The following CRYZ variants were observed in gnomAD, a reference collection of about 807,000 sequenced individuals.
The protein encoded by CRYZ is zeta-crystallin.
A neutral mutation model predicts 34.1 loss-of-function variants in CRYZ; 35 were observed. The observed-to-expected ratio is 1.03, with a 90% CI of 0.78 to 1.36. The LOEUF (loss-of-function observed/expected upper bound fraction) is 1.36. CRYZ is among the 40% of genes most tolerant of loss of function. The pLI is 0.00. For synonymous variants in CRYZ, 137 were observed against 136.5 expected, an observed-to-expected ratio of 1.00 and a Z score of -0.03; for missense variants, 403 against 391.8, an observed-to-expected ratio of 1.03 and a Z score of -0.24.
chr1:74,706,751 C>A, intron 8 of CRYZ, 148 bp downstream of exon 8: 3 of 690,700 alleles, frequency 4.3e-6, no homozygotes, highest in Admixed American at 2.7e-5. Context: ...TATACTGTCA[C>A]CCTAGTTGTC....
At chr1:74,714,737 C>T (rs1468311968) in intron 4 of CRYZ, 107 bp from the exon 5 acceptor site, 1 of 1,055,124 alleles carries the variant, frequency 9.5e-7, no homozygotes. Context: ...CTAACACTTA[C>T]ACAAACAGCA....
chr1:74,724,308 C>T (rs376452243), intron 2 of CRYZ, among the ~76,000 whole-genome samples: 15 of 152,172 alleles, frequency 9.9e-5, no homozygotes, highest in South Asian at 6.2e-4. Flanking sequence ...GATGATTAAA[C>T]TATATACTTA....
At chr1:74,709,050 T>G (rs1251312284) in intron 6 of CRYZ, among the ~76,000 whole-genome samples, 3 of 152,064 alleles carry the variant, frequency 2.0e-5, no homozygotes, top group Non-Finnish European at 4.4e-5. Flanking sequence ...GTATAAATAC[T>G]TGGGCTATAA....
intron 5 of CRYZ, 99 bp downstream of exon 5, chr1:74,714,480 T>C: frequency 8.6e-7 from 1 of 1,163,610 alleles, no homozygotes; most frequent in Non-Finnish European, 1.2e-6. Context: ...CACCTTTGAC[T>C]CTATTTATAA....
At chr1:74,711,035 G>T (rs986832972) in intron 5 of CRYZ, among the ~76,000 whole-genome samples, 2 of 152,174 alleles carry the variant, frequency 1.3e-5, no homozygotes, top group African/African-American at 2.4e-5. Flanking sequence ...GGTCAGCCAC[G>T]TGGAGGATGC....
Position 74,706,431 on chromosome 1 carries a change from G to T in CRYZ, c.855C>A (p.Ala285=). 6.2e-7 allele frequency: 1 copy of T among 1,609,078 alleles called. No individual in the cohort carries two copies. Among genetic ancestry groups the T allele is most frequent in the Non-Finnish European group, 8.5e-7 (1 of 1,178,450 alleles). The change falls in exon 9 of 9, where the codon GCC becomes GCA. Residue 285 remains alanine, a synonymous_variant. Coordinates refer to ENST00000340866, the MANE Select transcript of CRYZ (RefSeq NM_001889.4). ...TKEEFQQYAA[A]LQAGMEIGWL... is the part of the protein sequence containing the mutation. ...AGCCAATTTCCATTCCAGCTTGAAG[G>T]GCTGCTGCATATTGCTGAAATTCCT... is the stretch of plus-strand genomic sequence containing the variant.
Position 74,724,740 on chromosome 1 carries a change from T to C in CRYZ, c.82A>G (p.Ile28Val), listed in dbSNP as rs751096080. ...GPEVLKLRSDIAVPIPKDHQV... is the reference protein window; with the variant it reads ...GPEVLKLRSDVAVPIPKDHQV... ...TGGTCTTTTGGAATCGGTACTGCAA[T>C]ATCTGATCGCAATTTCAGGACTTCT... Residue 28 changes from isoleucine (I) to valine (V), a missense_variant, in exon 2 of 9, where the codon ATT (isoleucine) becomes GTT (valine). Transcript: ENST00000340866. 6.2e-6 allele frequency: 10 copies of C among 1,612,936 alleles called. No individual in the cohort carries two copies. The South Asian group carries it at 9.9e-5, about 16-fold the overall frequency.
rs755839422 is a variant in CRYZ, at chr1:74,723,211, A to T, written c.171T>A (p.Gly57=). 1.2e-6 allele frequency: 2 copies of T among 1,614,048 alleles called. No individual in the cohort carries two copies. ...GTAAGAGTGGTTTTCTACTATAAGT[A>T]CCAGAGCGAATGTATGTCTCCACGG... ...VNPVETYIRS[G]TYSRKPLLPY... is the part of the protein sequence containing the mutation. The change falls in exon 3 of 9, where the codon GGT becomes GGA. Residue 57 remains glycine, a synonymous_variant. Coordinates refer to ENST00000340866, the MANE Select transcript of CRYZ (RefSeq NM_001889.4).
chr1:74,725,819 G>T (rs1397840425), intron 1 of CRYZ, among the ~76,000 whole-genome samples: 1 of 152,128 alleles, frequency 6.6e-6, no homozygotes, highest in Non-Finnish European at 1.5e-5. Flanking sequence ...ACAGGAAATG[G>T]GTAAATACAG....
intron 1 of CRYZ, among the ~76,000 whole-genome samples, chr1:74,727,981 A>T (rs1647475262): frequency 6.6e-6 from 1 of 152,236 alleles, no homozygotes; most frequent in Non-Finnish European, 1.5e-5. Flanking sequence ...CTACATGAGT[A>T]TGTAATATTA....
Position 74,723,172 on chromosome 1 carries a change from G to A in CRYZ, c.210C>T (p.Gly70=), listed in dbSNP as rs776971114. The A allele has an allele frequency of 1.2e-6, 2 of 1,614,044 alleles. No homozygotes were observed. Among genetic ancestry groups the A allele is most frequent in the East Asian group, 4.5e-5 (2 of 44,886 alleles). ...SRKPLLPYTP[G]SDVAGVIEAV... Reference sequence around the variant, plus strand: ...CTTCTATCACCCCAGCCACATCTGAGCCAGGAGTATAGGGTAAGAGTGGTT... The same window carrying A: ...CTTCTATCACCCCAGCCACATCTGAACCAGGAGTATAGGGTAAGAGTGGTT... Residue 70 remains glycine, a synonymous_variant, in exon 3 of 9, where the codon GGC becomes GGT. Transcript: ENST00000340866.
Position 74,732,985 on chromosome 1 carries a change from G to T in CRYZ, c.-43C>A. ...ATCTAGAGTGGGAATTAAAATCTGCGTGGGCTTCTTCAGATTCCACAGAAA... is the reference window on the plus strand; with the variant it reads ...ATCTAGAGTGGGAATTAAAATCTGCTTGGGCTTCTTCAGATTCCACAGAAA... On this transcript the variant is annotated 5_prime_UTR_variant, in exon 1 of 9. Coordinates refer to ENST00000340866, the MANE Select transcript of CRYZ (RefSeq NM_001889.4). 4.1e-6 allele frequency: 2 copies of T among 482,878 alleles called. No individual in the cohort carries two copies. The highest frequency in any genetic ancestry group is 6.4e-5 in the South Asian group (2 of 31,136). 29.9% of individuals were successfully genotyped at this position (482,878 alleles called of 1,614,324 possible). A position where few individuals can be genotyped will look rare whatever the true frequency, so the allele number is the denominator to read the frequency against.
intron 8 of CRYZ, 98 bp downstream of exon 8, chr1:74,706,801 T>C (rs1646934848): frequency 2.1e-6 from 2 of 972,212 alleles, no homozygotes; most frequent in Non-Finnish European, 3.3e-6. Flanking sequence ...ACTAGTCATA[T>C]AACTAAGTTT....
intron 1 of CRYZ, among the ~76,000 whole-genome samples, chr1:74,725,789 T>A (rs1647305515): frequency 6.6e-6 from 1 of 152,182 alleles, no homozygotes; most frequent in Non-Finnish European, 1.5e-5. Context: ...AGTTAGTTAC[T>A]TCCTAGATAC....
chr1:74,712,161 A>G (rs142220685), intron 5 of CRYZ, among the ~76,000 whole-genome samples: 110 of 152,364 alleles, frequency 7.2e-4, no homozygotes, highest in Non-Finnish European at 1.3e-3. Context: ...TTAAATAACA[A>G]TACTAGGAAA....
chr1:74,727,004 C>T (rs537619941), intron 1 of CRYZ, among the ~76,000 whole-genome samples: 1 of 152,126 alleles, frequency 6.6e-6, no homozygotes, highest in South Asian at 2.1e-4. Context: ...CTGAGACCAC[C>T]TCAGCCTGGA....
At chr1:74,727,468 A>G (rs918425202) in intron 1 of CRYZ, among the ~76,000 whole-genome samples, 1 of 146,386 alleles carries the variant, frequency 6.8e-6, no homozygotes, top group African/African-American at 2.5e-5. Context: ...CAAAAAAAAA[A>G]AAAAAAAAAA....
intron 7 of CRYZ, 49 bp from the exon 8 acceptor site, chr1:74,707,043 T>A: frequency 6.4e-7 from 1 of 1,564,216 alleles, no homozygotes; most frequent in Non-Finnish European, 8.7e-7. Flanking sequence ...TGTAAAATAG[T>A]GTTAAATTGT....
intron 4 of CRYZ, among the ~76,000 whole-genome samples, chr1:74,715,145 C>T (rs1647054843): frequency 6.6e-6 from 1 of 152,180 alleles, no homozygotes; most frequent in African/African-American, 2.4e-5. Flanking sequence ...CAGCCTTGTA[C>T]TCTTTCAGGG....
Sources: gnomAD v4.1 joint callset for allele counts (sites outside exome capture counted in the v4.1 genomes callset) on GRCh38, gnomAD v4.1.1 for gene constraint, MANE v1.5 for transcripts, NCBI Gene and HGNC (gene_info 2026-07-23, HGNC 2026-07-21) for gene names.